The following NIPAL3 variants were observed in gnomAD, a reference collection of about 807,000 sequenced individuals.
NIPAL3 encodes the protein NIPA like domain containing 3, also known as NIPA-like protein 3.
A neutral mutation model predicts 47.2 loss-of-function variants in NIPAL3; 41 were observed. That is an observed-to-expected ratio of 0.87 (90% CI 0.68 to 1.13). NIPAL3 has a LOEUF of 1.13. Among genes scored for constraint, NIPAL3 ranks in the 50% most tolerant of loss-of-function variants. NIPAL3 has a pLI of 0.00. For missense variants in NIPAL3, 449 were observed against 530.1 expected (o/e 0.85, Z 1.50); for synonymous variants, 194 against 209.6 (o/e 0.93, Z 0.64).
At chr1:24,455,663 G>GA (rs3215502) in intron 7 of NIPAL3, among the ~76,000 whole-genome samples, 155 of 144,808 alleles carry the variant, frequency 1.1e-3, no homozygotes, top group African/African-American at 1.6e-3. Flanking sequence ...CCACAAAAAG[G>GA]AAAAAAAAAA....
chr1:24,463,880 C>T, intron 10 of NIPAL3, 146 bp from the exon 11 acceptor site: 1 of 561,266 alleles, frequency 1.8e-6, no homozygotes, highest in Non-Finnish European at 3.1e-6. Flanking sequence ...GAGAGGCTGG[C>T]AGCCTCTCAG....
chr1:24,426,307 T>C (rs80104711), intron 2 of NIPAL3, among the ~76,000 whole-genome samples: 2 of 149,182 alleles, frequency 1.3e-5, no homozygotes, highest in Admixed American at 1.3e-4. Context: ...TTTTTTTTTT[T>C]CCTTTGAGAT....
Position 24,416,997 on chromosome 1 carries a change from C to T in NIPAL3, c.-258+1093C>T, listed in dbSNP as rs1644077548. On this transcript the variant is annotated intron_variant, in intron 1 of 11. Coordinates refer to ENST00000374399, the MANE Select transcript of NIPAL3 (RefSeq NM_020448.5). This position sits in a 1 kb window ranked among gnomAD's most constrained non-coding sequence, Gnocchi z 4.8. ...GGGTTCCCACCACTCCCTTGATTGA[C>T]ATGTCGCTAAGGTCTGTTGGCTTTC... 1 of 152,344 alleles carries T rather than the reference C, an allele frequency of 6.6e-6. No individual in the cohort carries two copies. Among genetic ancestry groups the T allele is most frequent in the Non-Finnish European group, 1.5e-5 (1 of 68,126 alleles). 9.4% of individuals were successfully genotyped at this position (152,344 alleles called of 1,614,324 possible). A position where few individuals can be genotyped will look rare whatever the true frequency, so the allele number is the denominator to read the frequency against.
chr1:24,433,266 A>C (rs1311149537), intron 2 of NIPAL3: 4 of 152,156 alleles, frequency 2.6e-5, no homozygotes, highest in Admixed American at 6.5e-5. Context: ...CACTCCACAC[A>C]CTTATTGTGC....
At chr1:24,430,560 T>A (rs1480903182) in intron 2 of NIPAL3, among the ~76,000 whole-genome samples, 2 of 152,182 alleles carry the variant, frequency 1.3e-5, no homozygotes, top group African/African-American at 4.8e-5. Context: ...CCAGTATCAC[T>A]AAATTCTTTA....
At chr1:24,459,455 A>G (rs538389238) in intron 9 of NIPAL3, among the ~76,000 whole-genome samples, 32 of 151,928 alleles carry the variant, frequency 2.1e-4, no homozygotes, top group Non-Finnish European at 3.8e-4. Flanking sequence ...TTTCACCTCT[A>G]ATTTTTTTTT....
chr1:24,439,992 A>G (rs1645298711), intron 2 of NIPAL3, among the ~76,000 whole-genome samples, 180 bp from the exon 3 acceptor site: 1 of 152,238 alleles, frequency 6.6e-6, no homozygotes, highest in Non-Finnish European at 1.5e-5. Flanking sequence ...GTAAACCAGC[A>G]AAGCAGCCAG....
chr1:24,452,476 T>G (rs1045023320), intron 6 of NIPAL3, among the ~76,000 whole-genome samples: 1 of 152,180 alleles, frequency 6.6e-6, no homozygotes, highest in Non-Finnish European at 1.5e-5. Context: ...GAGACGTCAT[T>G]TAGTGTAAGC....
chr1:24,419,490 G>C lies in NIPAL3; in HGVS notation c.-58G>C, dbSNP rs1174920746. 1 of 1,506,252 alleles carries C rather than the reference G, an allele frequency of 6.6e-7. No individual in the cohort carries two copies. Among genetic ancestry groups the C allele is most frequent in the African/African-American group, 1.4e-5 (1 of 71,182 alleles). 93.3% of individuals were successfully genotyped at this position (1,506,252 alleles called of 1,614,324 possible). Reference sequence around the variant, plus strand: ...AGAGATGGCATCTGGCCTGGGCCCCGCCTAGCAGCAGCTCCACCTCCTAGG... The same window carrying C: ...AGAGATGGCATCTGGCCTGGGCCCCCCCTAGCAGCAGCTCCACCTCCTAGG... On this transcript the variant is annotated 5_prime_UTR_variant, in exon 2 of 12. Transcript: ENST00000374399.
chr1:24,432,708 C>T (rs916728170), intron 2 of NIPAL3, among the ~76,000 whole-genome samples: 5 of 152,162 alleles, frequency 3.3e-5, no homozygotes, highest in Non-Finnish European at 7.3e-5. Flanking sequence ...ATAATAGTAC[C>T]TGCCTTAAAA....
intron 8 of NIPAL3, among the ~76,000 whole-genome samples, chr1:24,457,174 C>T (rs1157676509): frequency 3.3e-5 from 5 of 152,188 alleles, no homozygotes; most frequent in African/African-American, 4.8e-5. Context: ...ACCTGCTTGT[C>T]TGCTGGGTTG....
intron 6 of NIPAL3, among the ~76,000 whole-genome samples, chr1:24,450,108 C>G (rs116584813): frequency 0.012 from 1,792 of 152,340 alleles, 18 homozygotes; most frequent in Non-Finnish European, 0.018. Flanking sequence ...TGAACTGCCA[C>G]TGTGCCCCAC....
chr1:24,432,002 G>A (rs777839013), intron 2 of NIPAL3, among the ~76,000 whole-genome samples: 10 of 152,046 alleles, frequency 6.6e-5, no homozygotes, highest in African/African-American at 1.2e-4. Flanking sequence ...ATGTGATTAC[G>A]TAGTCAGTTC....
At chr1:24,414,368 G>GA (rs750926198), upstream of NIPAL3, 2,764 of 142,220 alleles carry the variant, frequency 0.019, 72 homozygotes, top group African/African-American at 0.061. Flanking sequence ...TCTAACAGAA[G>GA]AAAAAAAAAA....
chr1:24,414,729 T>C (rs1420716789), upstream of NIPAL3: 1 of 151,918 alleles, frequency 6.6e-6, no homozygotes, highest in African/African-American at 2.4e-5. Context: ...AGAGATGGGG[T>C]CCCACTATAT....
At chr1:24,437,120 C>T (rs11586923) in intron 2 of NIPAL3, among the ~76,000 whole-genome samples, 31,035 of 151,686 alleles carry the variant, frequency 0.2, 3,818 homozygotes, top group East Asian at 0.43. Context: ...GGCGAGGTGG[C>T]GGGCGCCTGT....
At chr1:24,460,585 T>C (rs754884414) in intron 10 of NIPAL3, 41 bp downstream of exon 10, 11 of 1,512,952 alleles carry the variant, frequency 7.3e-6, no homozygotes, top group Non-Finnish European at 8.8e-6. Flanking sequence ...ACATTGTGTG[T>C]AGAATTCCAA....
chr1:24,420,170 G>A (rs1311249265), intron 2 of NIPAL3: 1 of 151,970 alleles, frequency 6.6e-6, no homozygotes, highest in Non-Finnish European at 1.5e-5. Context: ...AGAATAAAAG[G>A]AATGCATTCC....
chr1:24,466,234 G>A, intron 11 of NIPAL3: 1 of 715,760 alleles, frequency 1.4e-6, no homozygotes, highest in Non-Finnish European at 2.3e-6. Context: ...CAGCAGACAA[G>A]GCCACTCTGC....
Sources: gnomAD v4.1 joint callset for allele counts (sites outside exome capture counted in the v4.1 genomes callset) on GRCh38, gnomAD v4.1.1 for gene constraint, Gnocchi (gnomAD v3.1) non-coding constraint, MANE v1.5 for transcripts, NCBI Gene and HGNC (gene_info 2026-07-23, HGNC 2026-07-21) for gene names.